The following TRIM16 variants were observed in gnomAD, a reference collection of about 807,000 sequenced individuals.
The protein encoded by TRIM16 is tripartite motif containing 16.
In TRIM16, 33 loss-of-function variants were observed where a neutral mutation model predicts 50.4. The observed-to-expected ratio is 0.65, with a 90% CI of 0.50 to 0.88. The LOEUF (loss-of-function observed/expected upper bound fraction) is 0.88. TRIM16 is among the 40% of genes least tolerant of loss of function. The pLI, the probability that TRIM16 is intolerant of heterozygous loss-of-function variation, is 0.00. For missense variants in TRIM16, 581 were observed against 686.8 expected (o/e 0.85, Z 1.72); for synonymous variants, 229 against 270.7 (o/e 0.85, Z 1.51).
intron 6 of TRIM16, among the ~76,000 whole-genome samples, chr17:15,676,169 T>C (rs1173260489): frequency 2.0e-5 from 3 of 152,188 alleles, no homozygotes; most frequent in Non-Finnish European, 2.9e-5. Context: ...CTGTGCATTG[T>C]AGGATGTTTA....
chr17:15,677,457 C>A, intron 5 of TRIM16, 118 bp downstream of exon 5: 2 of 954,368 alleles, frequency 2.1e-6, no homozygotes. Flanking sequence ...GATCTGGATT[C>A]TGTGGGGGAA....
Position 15,651,951 on chromosome 17 carries a change from A to G in TRIM16, c.-337-5T>C. ...CCACGTGTCTCTGTGCCTGCTCTGG[A>G]AAGGACAGAAGATTCCTGAGCTCTG... On this transcript the variant is annotated splice_region_variant and splice_polypyrimidine_tract_variant and intron_variant, in intron 6 of 11. Transcript: ENST00000649191. 2 of 1,230,352 alleles carry G rather than the reference A, an allele frequency of 1.6e-6. No homozygotes were observed. The highest frequency in any genetic ancestry group is 2.0e-6 in the Non-Finnish European group (2 of 977,852). 76.2% of individuals were successfully genotyped at this position (1,230,352 alleles called of 1,614,324 possible). A position where few individuals can be genotyped will look rare whatever the true frequency, so the allele number is the denominator to read the frequency against.
chr17:15,649,671 T>C (rs1023767814), intron 7 of TRIM16, among the ~76,000 whole-genome samples: 13 of 152,048 alleles, frequency 8.5e-5, no homozygotes, highest in African/African-American at 3.1e-4. Flanking sequence ...CAGGTTTTGG[T>C]GCAAAAAAAG....
chr17:15,669,194 A>C (rs1168228444), intron 6 of TRIM16, among the ~76,000 whole-genome samples: 2 of 151,950 alleles, frequency 1.3e-5, no homozygotes, highest in Non-Finnish European at 2.9e-5. Flanking sequence ...TTTTAAATGT[A>C]CTCTGACCCA....
rs3885101 is a variant in TRIM16, at chr17:15,628,374, T to G, written c.*241A>C. On this transcript the variant is annotated 3_prime_UTR_variant, in exon 12 of 12. Transcript: ENST00000649191. The stretch of plus-strand genomic sequence containing the variant: ...CAGTGAGCCAAGATCGCGCCACTGC[T>G]CTCCAGCCTGGGCAACAGTGCGAGA... The G allele has an allele frequency of 9.8e-6, 4 of 407,938 alleles. No homozygotes were observed. The highest frequency in any genetic ancestry group is 1.7e-5 in the Non-Finnish European group (4 of 237,140). 25.3% of individuals were successfully genotyped at this position (407,938 alleles called of 1,614,324 possible). A position where few individuals can be genotyped will look rare whatever the true frequency, so the allele number is the denominator to read the frequency against.
intron 7 of TRIM16, among the ~76,000 whole-genome samples, chr17:15,648,260 C>A (rs565937697): frequency 0.036 from 4,793 of 133,216 alleles, 124 homozygotes; most frequent in Non-Finnish European, 0.051. Context: ...AACAAACAAA[C>A]AAACAAAAAA....
At chr17:15,664,075 C>T (rs1360925751) in intron 6 of TRIM16, among the ~76,000 whole-genome samples, 1 of 152,124 alleles carries the variant, frequency 6.6e-6, no homozygotes, top group Non-Finnish European at 1.5e-5. Context: ...GTTCTAGGAG[C>T]CAGATGTGGC....
intron 6 of TRIM16, among the ~76,000 whole-genome samples, chr17:15,654,787 G>C (rs1029868187): frequency 6.6e-6 from 1 of 152,040 alleles, no homozygotes; most frequent in African/African-American, 2.4e-5. Context: ...CCCATAAAAT[G>C]CTTAAAAGGT....
intron 7 of TRIM16, chr17:15,643,150 A>C: frequency 9.4e-7 from 1 of 1,059,750 alleles, no homozygotes; most frequent in Non-Finnish European, 1.2e-6. Flanking sequence ...AACAATCTGA[A>C]TGGATCCCTC....
intron 9 of TRIM16, chr17:15,632,904 A>G (rs1407338356): frequency 4.1e-6 from 2 of 488,118 alleles, no homozygotes; most frequent in East Asian, 3.6e-5. Flanking sequence ...AAGTGAGAAC[A>G]TGGGATTTTA....
chr17:15,660,421 T>A (rs1332466399), intron 6 of TRIM16, among the ~76,000 whole-genome samples: 1 of 152,028 alleles, frequency 6.6e-6, no homozygotes, highest in Admixed American at 6.6e-5. Context: ...TTTGCTCAAA[T>A]GGTTTTGATT....
At chr17:15,658,758 C>G (rs989796452) in intron 6 of TRIM16, 1 of 965,824 alleles carries the variant, frequency 1.0e-6, no homozygotes, top group Non-Finnish European at 1.2e-6. Context: ...AGCTGGAAGT[C>G]GCATCACTCC....
At chr17:15,634,192 G>A (rs1336260056) in intron 9 of TRIM16, among the ~76,000 whole-genome samples, 5 of 148,726 alleles carry the variant, frequency 3.4e-5, no homozygotes, top group South Asian at 2.2e-4. Context: ...AGCCGGGCGC[G>A]GTGGCGGGCG....
intron 6 of TRIM16, among the ~76,000 whole-genome samples, chr17:15,663,611 T>G (rs1988344511): frequency 6.6e-6 from 1 of 152,180 alleles, no homozygotes; most frequent in Non-Finnish European, 1.5e-5. Context: ...TTTTCAGGCT[T>G]TAAATCATGT....
intron 6 of TRIM16, among the ~76,000 whole-genome samples, chr17:15,657,711 T>C (rs1988042006): frequency 6.6e-6 from 1 of 152,208 alleles, no homozygotes; most frequent in South Asian, 2.1e-4. Flanking sequence ...AGCATGCATC[T>C]GAATTTCCTT....
chr17:15,655,702 G>A (rs921160876), intron 6 of TRIM16, among the ~76,000 whole-genome samples: 3 of 151,976 alleles, frequency 2.0e-5, no homozygotes, highest in Admixed American at 2.0e-4. Flanking sequence ...AGCCTCCCGA[G>A]TAGCTGGGAC....
chr17:15,670,169 T>C (rs1459588371), intron 6 of TRIM16, among the ~76,000 whole-genome samples: 1 of 152,224 alleles, frequency 6.6e-6, no homozygotes, highest in Non-Finnish European at 1.5e-5. Flanking sequence ...CTTGAAGATA[T>C]TCTGCAGTTT....
chr17:15,637,757 C>CTCAT, intron 8 of TRIM16, among the ~76,000 whole-genome samples: 1 of 130,142 alleles, frequency 7.7e-6, no homozygotes, highest in Admixed American at 7.3e-5. Context: ...TGCCCAACAG[C>CTCAT]TCATTGAGAA....
intron 7 of TRIM16, among the ~76,000 whole-genome samples, chr17:15,649,372 C>T (rs1356291418): frequency 6.6e-6 from 1 of 151,986 alleles, no homozygotes; most frequent in African/African-American, 2.4e-5. Flanking sequence ...CTGCAACCTC[C>T]GCCTCCCAGG....
Sources: gnomAD v4.1 joint callset for allele counts (sites outside exome capture counted in the v4.1 genomes callset) on GRCh38, gnomAD v4.1.1 for gene constraint, MANE v1.5 for transcripts, NCBI Gene and HGNC (gene_info 2026-07-23, HGNC 2026-07-21) for gene names.